Variants in NET1 observed in about 807,000 individuals in gnomAD.
NET1 encodes the protein neuroepithelial cell-transforming gene 1 protein.
A neutral mutation model predicts 61.1 loss-of-function variants in NET1; 42 were observed. That is an observed-to-expected ratio of 0.69 (90% CI 0.54 to 0.89). The LOEUF (loss-of-function observed/expected upper bound fraction) is 0.89, where lower values mean the gene tolerates loss of function less well. Ranked by LOEUF, NET1 falls within the 40% of genes least tolerant of loss-of-function variation. NET1 has a pLI of 0.00. For missense variants in NET1, 654 were observed against 747.3 expected (o/e 0.88, Z 1.46); for synonymous variants, 254 against 281.8 (o/e 0.90, Z 0.99).
At position 5,455,552 on chromosome 10, in the gene NET1, G is replaced by A. The variant is rs997969221; in HGVS notation, c.1197+434G>A. ...TTATAAAAGTACCTGCTAGAACTAAGTGCAGTCACGGAATGGTATTTTTGT... is the reference window on the plus strand; with the variant it reads ...TTATAAAAGTACCTGCTAGAACTAAATGCAGTCACGGAATGGTATTTTTGT... On this transcript the variant is annotated intron_variant, in intron 10 of 11. Transcript: ENST00000355029. This position sits in a 1 kb window ranked among gnomAD's most constrained non-coding sequence, Gnocchi z 6.5. Among the ~76,000 whole-genome samples the A allele has an allele frequency of 2.0e-5, 3 of 152,214 alleles. No individual in the cohort carries two copies. The highest frequency in any genetic ancestry group is 2.9e-5 in the Non-Finnish European group (2 of 68,042).
chr10:5,450,672 A>G (rs1832689616), intron 3 of NET1, among the ~76,000 whole-genome samples: 1 of 152,150 alleles, frequency 6.6e-6, no homozygotes, highest in African/African-American at 2.4e-5. Flanking sequence ...TTATTTTGTC[A>G]AGTATGCCAC....
chr10:5,430,314 A>G (rs1326696576), intron 3 of NET1, among the ~76,000 whole-genome samples: 5 of 152,126 alleles, frequency 3.3e-5, no homozygotes, highest in Admixed American at 1.3e-4. Context: ...AGTAAATCCT[A>G]GATGTCATGT....
chr10:5,419,247 GCTGTTTATAT>G (rs1418405659), intron 1 of NET1, among the ~76,000 whole-genome samples: 1 of 152,038 alleles, frequency 6.6e-6, no homozygotes, highest in Non-Finnish European at 1.5e-5. Context: ...TTATTTTCAA[GCTGTTTATAT>G]CTGTGAAACT....
At position 5,444,296 on chromosome 10, in the gene NET1, C is replaced by T. The variant is rs1254556207; in HGVS notation, c.256-7534C>T. ...AGAAAGATGAATTATTACCACATCT[C>T]GTGTATAAAACACACATAGCTACAG... On this transcript the variant is annotated intron_variant, in intron 3 of 11. Coordinates refer to ENST00000355029, the MANE Select transcript of NET1 (RefSeq NM_001047160.3). The surrounding 1 kb of genome is among the most constrained non-coding windows in gnomAD (Gnocchi z 5.3). Among the ~76,000 whole-genome samples, 1 of 152,164 alleles carries T rather than the reference C, an allele frequency of 6.6e-6. No individual in the cohort carries two copies. The highest frequency in any genetic ancestry group is 1.9e-4 in the East Asian group (1 of 5,200).
At position 5,454,139 on chromosome 10, in the gene NET1, A is replaced by G. The variant is rs1832757093; in HGVS notation, c.769-126A>G. 1.0e-6 allele frequency: 1 copy of G among 999,828 alleles called. No homozygotes were observed. Among genetic ancestry groups the G allele is most frequent in the East Asian group, 2.4e-5 (1 of 41,466 alleles). 61.9% of individuals were successfully genotyped at this position (999,828 alleles called of 1,614,324 possible). A position where few individuals can be genotyped will look rare whatever the true frequency, so the allele number is the denominator to read the frequency against. On this transcript the variant is annotated intron_variant, in intron 8 of 11. Coordinates refer to ENST00000355029, the MANE Select transcript of NET1 (RefSeq NM_001047160.3). This position sits in a 1 kb window ranked among gnomAD's most constrained non-coding sequence, Gnocchi z 8.1. Reference sequence around the variant, plus strand: ...TTCAGCTTCCATTATTATCTGCCAGAAAATGTCCACAGCTTGTTAAAACTC... The same window carrying G: ...TTCAGCTTCCATTATTATCTGCCAGGAAATGTCCACAGCTTGTTAAAACTC...
In NET1 at chr10:5,442,273, A is replaced by AT. The variant is rs577346521; in HGVS notation, c.256-9553dup. Among the ~76,000 whole-genome samples, 1,099 of 152,204 alleles carry AT rather than the reference A, an allele frequency of 7.2e-3. 3 individuals are homozygous for AT. The highest frequency in any genetic ancestry group is 0.013 in the Non-Finnish European group (875 of 67,988). ...GTGTAGAGGGCAGCAGAGAGCTTAG[A>AT]TTTTGTTTTCTCTTTGCCTGTAGTA... On this transcript the variant is annotated intron_variant, in intron 3 of 11. Coordinates refer to ENST00000355029, the MANE Select transcript of NET1 (RefSeq NM_001047160.3).
Position 5,456,597 on chromosome 10 carries a change from T to C in NET1, c.1394T>C (p.Ile465Thr). 1 of 1,526,820 alleles carries C rather than the reference T, an allele frequency of 6.5e-7. No individual in the cohort carries two copies. Among genetic ancestry groups the C allele is most frequent in the East Asian group, 2.3e-5 (1 of 43,578 alleles). The allele number at this position is 1,526,820 out of a possible 1,614,324, so 94.6% of individuals were successfully genotyped here. Residue 465 changes from isoleucine (I) to threonine (T), a missense_variant, in exon 12 of 12, where the codon ATC becomes ACC. Transcript: ENST00000355029. This position sits in a 1 kb window ranked among gnomAD's most constrained non-coding sequence, Gnocchi z 7.0. The stretch of plus-strand genomic sequence containing the variant: ...CAATTTTTTTTTTCAGCTAAAAATA[T>C]CTTTAGAATTCGCTTCCATGACCCC... ...AFSNSEKAKN[I>T]FRIRFHDPSP...
In NET1 at chr10:5,452,748, T is replaced by G; in HGVS notation, c.532-110T>G. The G allele has an allele frequency of 9.4e-7, 1 of 1,065,378 alleles. No individual in the cohort carries two copies. The highest frequency in any genetic ancestry group is 1.5e-5 in the South Asian group (1 of 65,150). The allele number at this position is 1,065,378 out of a possible 1,614,324, so 66.0% of individuals were successfully genotyped here. A position where few individuals can be genotyped will look rare whatever the true frequency, so the allele number is the denominator to read the frequency against. ...CCATTCTGAATTACAATTTTCAGAC[T>G]GAGTTACTTTTTAAAATGCCGTTCA... On this transcript the variant is annotated intron_variant, in intron 5 of 11. Coordinates refer to ENST00000355029, the MANE Select transcript of NET1 (RefSeq NM_001047160.3). The surrounding 1 kb of genome is among the most constrained non-coding windows in gnomAD (Gnocchi z 4.0).
Position 5,453,041 on chromosome 10 carries a change from A to T in NET1, c.594+121A>T, listed in dbSNP as rs191339938. The T allele has an allele frequency of 2.5e-6, 2 of 787,346 alleles. No individual in the cohort carries two copies. Among genetic ancestry groups the T allele is most frequent in the Non-Finnish European group, 4.3e-6 (2 of 469,132 alleles). 48.8% of individuals were successfully genotyped at this position (787,346 alleles called of 1,614,324 possible). A position where few individuals can be genotyped will look rare whatever the true frequency, so the allele number is the denominator to read the frequency against. On this transcript the variant is annotated intron_variant, in intron 6 of 11. Coordinates refer to ENST00000355029, the MANE Select transcript of NET1 (RefSeq NM_001047160.3). The surrounding 1 kb of genome is among the most constrained non-coding windows in gnomAD (Gnocchi z 4.9). ...ATAGAAAATATCTACTGGTGAATAC[A>T]TTTTTTTTAGGTGAGGTCTAGACAC...
In NET1 at chr10:5,422,298, C is replaced by T. The variant is rs1832188039; in HGVS notation, c.129-4357C>T. Among the ~76,000 whole-genome samples, 1 of 151,848 alleles carries T rather than the reference C, an allele frequency of 6.6e-6. No homozygotes were observed. Among genetic ancestry groups the T allele is most frequent in the Admixed American group, 6.6e-5 (1 of 15,242 alleles). On this transcript the variant is annotated intron_variant, in intron 1 of 11. Coordinates refer to ENST00000355029, the MANE Select transcript of NET1 (RefSeq NM_001047160.3). This position sits in a 1 kb window ranked among gnomAD's most constrained non-coding sequence, Gnocchi z 4.1. ...GTTGTAGTGAGCCGAGATCGTACCACTGCACTCCAGCCTGGGTGACAGAGC... is the reference window on the plus strand; with the variant it reads ...GTTGTAGTGAGCCGAGATCGTACCATTGCACTCCAGCCTGGGTGACAGAGC...
At position 5,457,119 on chromosome 10, in the gene NET1, G is replaced by T. The variant is rs2119220707; in HGVS notation, c.*125G>T. ...CAGTTGTAACATTTTCATTGTTTTT[G>T]GTTGTTCTTTTTTCTTTTTTTAATG... On this transcript the variant is annotated 3_prime_UTR_variant, in exon 12 of 12. Transcript: ENST00000355029. The surrounding 1 kb of genome is among the most constrained non-coding windows in gnomAD (Gnocchi z 5.4). The T allele has an allele frequency of 2.1e-6, 2 of 970,414 alleles. No homozygotes were observed. The highest frequency in any genetic ancestry group is 2.8e-6 in the Non-Finnish European group (2 of 714,766). 60.1% of individuals were successfully genotyped at this position (970,414 alleles called of 1,614,324 possible). A position where few individuals can be genotyped will look rare whatever the true frequency, so the allele number is the denominator to read the frequency against.
chr10:5,454,343 G>T lies in NET1; in HGVS notation c.847G>T (p.Asp283Tyr), dbSNP rs771282421. ...AKALLDQKKQDPRVQDFLQRC... is the reference protein window; with the variant it reads ...AKALLDQKKQYPRVQDFLQRC... Reference sequence around the variant, plus strand: ...AGCTCTTCTTGATCAAAAGAAACAGGATCCAAGAGTCCAAGACTTCCTCCA... The same window carrying T: ...AGCTCTTCTTGATCAAAAGAAACAGTATCCAAGAGTCCAAGACTTCCTCCA... Residue 283 changes from aspartate to tyrosine, a missense_variant, in exon 9 of 12, where the codon GAT becomes TAT. Transcript: ENST00000355029. The surrounding 1 kb of genome is among the most constrained non-coding windows in gnomAD (Gnocchi z 8.1). 6.2e-7 allele frequency: 1 copy of T among 1,614,132 alleles called. No homozygotes were observed.
rs1312377371 is a variant in NET1 at position 5,451,750 on chromosome 10, G to A, written c.256-80G>A. On this transcript the variant is annotated intron_variant, in intron 3 of 11. Transcript: ENST00000355029. This position sits in a 1 kb window ranked among gnomAD's most constrained non-coding sequence, Gnocchi z 6.1. ...ATAATGTACAAAAATTGTTTTGTGA[G>A]AGGGCTTTACTTTGTCCAAGTTTGT... The A allele has an allele frequency of 9.6e-7, 1 of 1,042,050 alleles. No individual in the cohort carries two copies. Among genetic ancestry groups the A allele is most frequent in the African/African-American group, 1.6e-5 (1 of 62,898 alleles). 64.6% of individuals were successfully genotyped at this position (1,042,050 alleles called of 1,614,324 possible).
chr10:5,436,248 ATTTTTT>A (rs1190534260), intron 3 of NET1, among the ~76,000 whole-genome samples: 723 of 18,362 alleles, frequency 0.039, 16 homozygotes, highest in Middle Eastern at 0.059. Context: ...ATATATATAT[ATTTTTT>A]TTTTTTTTTT....
At position 5,456,558 on chromosome 10, in the gene NET1, TTC is replaced by T. The variant is rs1353938450; in HGVS notation, c.1385-28_1385-27del. 5 of 1,512,990 alleles carry T rather than the reference TTC, an allele frequency of 3.3e-6. No homozygotes were observed. In the African/African-American group the frequency reaches 4.2e-5, roughly 13 times the overall value. The allele number at this position is 1,512,990 out of a possible 1,614,324, so 93.7% of individuals were successfully genotyped here. Reference sequence around the variant, plus strand: ...AGAATAAACCTTTTTTTAGCCTGATTTCTTTTTTTTTTCCAATTTTTTTTTTC... The same window carrying T: ...AGAATAAACCTTTTTTTAGCCTGATTTTTTTTTTTTCCAATTTTTTTTTTC... On this transcript the variant is annotated intron_variant, in intron 11 of 11. Transcript: ENST00000355029. The surrounding 1 kb of genome is among the most constrained non-coding windows in gnomAD (Gnocchi z 7.0).
chr10:5,452,313 C>T lies in NET1; in HGVS notation c.364-45C>T, dbSNP rs1246391539. 1 of 1,452,564 alleles carries T rather than the reference C, an allele frequency of 6.9e-7. No individual in the cohort carries two copies. The highest frequency in any genetic ancestry group is 1.5e-5 in the South Asian group (1 of 65,680). The allele number at this position is 1,452,564 out of a possible 1,614,324, so 90.0% of individuals were successfully genotyped here. On this transcript the variant is annotated intron_variant, in intron 4 of 11. Transcript: ENST00000355029. This position sits in a 1 kb window ranked among gnomAD's most constrained non-coding sequence, Gnocchi z 4.0. Reference sequence around the variant, plus strand: ...AAAGAAAATGGGAATAATTCTATTTCTTCCAAATCTTATTTTCTCTTTTGT... The same window carrying T: ...AAAGAAAATGGGAATAATTCTATTTTTTCCAAATCTTATTTTCTCTTTTGT...
At chr10:5,430,596 A>G (rs1832332712) in intron 3 of NET1, among the ~76,000 whole-genome samples, 1 of 151,972 alleles carries the variant, frequency 6.6e-6, no homozygotes, top group African/African-American at 2.4e-5. Flanking sequence ...GCTGGTCTTG[A>G]ATTCCAGACT....
At chr10:5,428,683 A>G (rs1199660394) in intron 2 of NET1, among the ~76,000 whole-genome samples, 2 of 151,682 alleles carry the variant, frequency 1.3e-5, no homozygotes, top group Non-Finnish European at 2.9e-5. Context: ...TATCTATTCC[A>G]AAGACAATTC....
rs1032458820 is a variant in NET1 at position 5,431,770 on chromosome 10, A to T, written c.255+2541A>T. Among the ~76,000 whole-genome samples the T allele has an allele frequency of 5.9e-5, 9 of 151,796 alleles. No individual in the cohort carries two copies. The highest frequency in any genetic ancestry group is 1.7e-4 in the African/African-American group (7 of 41,374). On this transcript the variant is annotated intron_variant, in intron 3 of 11. Transcript: ENST00000355029. This position sits in a 1 kb window ranked among gnomAD's most constrained non-coding sequence, Gnocchi z 4.9. ...GTTTTACATGGATTCAGTTTTTTTT[A>T]AATTTTGTTTTGTAGAAAAGACAGG...
Sources: allele counts gnomAD v4.1 joint callset (sites outside exome capture counted in the v4.1 genomes callset), GRCh38; gene constraint gnomAD v4.1.1; non-coding constraint Gnocchi (gnomAD v3.1); transcripts MANE v1.5; gene names NCBI Gene and HGNC (gene_info 2026-07-23, HGNC 2026-07-21).